LAMA2: variants seen among roughly 807,000 people sequenced by gnomAD.
LAMA2 encodes laminin subunit alpha-2.
A neutral mutation model predicts 364.8 loss-of-function variants in LAMA2; 269 were observed. The ratio of observed to expected loss-of-function variants is 0.74; its 90% CI spans 0.67 to 0.82. The LOEUF (loss-of-function observed/expected upper bound fraction) is 0.82, where lower values mean the gene tolerates loss of function less well. Ranked by LOEUF, LAMA2 falls within the 40% of genes least tolerant of loss-of-function variation. The pLI is 0.00. For synonymous variants in LAMA2, 1,379 were observed against 1,370.6 expected (o/e 1.01, Z -0.14); for missense variants, 3,807 against 3,873.2 (o/e 0.98, Z 0.45).
intron 1 of LAMA2, among the ~76,000 whole-genome samples, chr6:128,896,578 A>G (rs1776791544): frequency 6.6e-6 from 1 of 152,042 alleles, no homozygotes; most frequent in Non-Finnish European, 1.5e-5. Context: ...TCTCTTTCTC[A>G]AGCTTTGATA....
chr6:129,131,617 A>C (rs902648694), intron 4 of LAMA2, among the ~76,000 whole-genome samples: 2 of 152,166 alleles, frequency 1.3e-5, no homozygotes, highest in African/African-American at 4.8e-5. Flanking sequence ...GGAACTAGGG[A>C]TCTGTTGGTG....
intron 1 of LAMA2, among the ~76,000 whole-genome samples, chr6:128,904,012 G>A (rs1341371226): frequency 6.6e-6 from 1 of 152,192 alleles, no homozygotes; most frequent in East Asian, 1.9e-4. Flanking sequence ...GGCAACTCCC[G>A]ATAAGAGTTT....
intron 12 of LAMA2, among the ~76,000 whole-genome samples, chr6:129,227,797 T>C (rs1784411134): frequency 1.3e-5 from 2 of 152,182 alleles, no homozygotes; most frequent in African/African-American, 4.8e-5. Context: ...GAGGAGGCAG[T>C]CTGTTCATTC....
intron 12 of LAMA2, among the ~76,000 whole-genome samples, chr6:129,245,367 A>G (rs79946952): frequency 3.3e-5 from 5 of 152,272 alleles, no homozygotes; most frequent in Admixed American, 6.5e-5. Flanking sequence ...TAGCCAAGAG[A>G]ACAATGACAG....
intron 12 of LAMA2, among the ~76,000 whole-genome samples, chr6:129,194,834 T>C (rs78991893): frequency 0.022 from 3,377 of 152,282 alleles, 57 homozygotes; most frequent in Non-Finnish European, 0.033. Context: ...ACGTAAATTA[T>C]AGTCATGATG....
At chr6:129,255,404 TC>T (rs1786578256) in intron 14 of LAMA2, among the ~76,000 whole-genome samples, 2 of 19,984 alleles carry the variant, frequency 1.0e-4, no homozygotes, top group Non-Finnish European at 1.1e-4. Context: ...AGACTCTGTC[TC>T]AAAAAAAAAA....
chr6:128,959,653 C>A (rs916085653), intron 1 of LAMA2, among the ~76,000 whole-genome samples: 1 of 152,148 alleles, frequency 6.6e-6, no homozygotes, highest in African/African-American at 2.4e-5. Flanking sequence ...TTACCATTCC[C>A]AATGAGCCGC....
intron 56 of LAMA2, among the ~76,000 whole-genome samples, chr6:129,489,920 C>T (rs2571592): frequency 0.66 from 99,033 of 151,186 alleles, 32,988 homozygotes; most frequent in Non-Finnish European, 0.72. Context: ...GAATCAGCCA[C>T]TGAAACTGTA....
chr6:129,151,597 A>G (rs1436824024), intron 7 of LAMA2, among the ~76,000 whole-genome samples: 2 of 152,094 alleles, frequency 1.3e-5, no homozygotes, highest in Admixed American at 6.6e-5. Flanking sequence ...GGTTTAGTTG[A>G]CTCACCCTTC....
chr6:129,176,100 C>G (rs970312065), intron 9 of LAMA2, among the ~76,000 whole-genome samples: 2 of 151,806 alleles, frequency 1.3e-5, no homozygotes, highest in Admixed American at 6.6e-5. Context: ...CCATACTCAA[C>G]AAAAATTAAG....
rs979510093 is a variant in LAMA2, at chr6:129,465,316, A to G, written c.7300+27A>G. On this transcript the variant is annotated intron_variant, in intron 51 of 64. Transcript: ENST00000421865. ...TGAGTTTTTACAGTAATAATGCAATATAGGCCTTAATCATGAAATCCAAAG... is the reference window on the plus strand; with the variant it reads ...TGAGTTTTTACAGTAATAATGCAATGTAGGCCTTAATCATGAAATCCAAAG... 6 of 1,570,122 alleles carry G rather than the reference A, an allele frequency of 3.8e-6. No homozygotes were observed. The African/African-American group carries it at 5.4e-5, about 14-fold the overall frequency.
chr6:129,227,343 T>C (rs1188696406), intron 12 of LAMA2, among the ~76,000 whole-genome samples: 1 of 152,208 alleles, frequency 6.6e-6, no homozygotes, highest in African/African-American at 2.4e-5. Flanking sequence ...TCAAAGTCAT[T>C]CTCCATCCAG....
At chr6:129,202,792 A>T (rs1782389269) in intron 12 of LAMA2, among the ~76,000 whole-genome samples, 1 of 152,232 alleles carries the variant, frequency 6.6e-6, no homozygotes, top group South Asian at 2.1e-4. Flanking sequence ...AAAAACAAAG[A>T]TTGTTTCAGA....
intron 28 of LAMA2, among the ~76,000 whole-genome samples, chr6:129,323,579 A>G (rs1011569496): frequency 8.6e-5 from 13 of 151,640 alleles, no homozygotes; most frequent in African/African-American, 2.9e-4. Context: ...CCATTTCCTC[A>G]CCAGATTTCT....
At chr6:129,421,400 A>C (rs1409389607) in intron 40 of LAMA2, among the ~76,000 whole-genome samples, 1 of 151,844 alleles carries the variant, frequency 6.6e-6, no homozygotes, top group Non-Finnish European at 1.5e-5. Context: ...AAAAAAAAAA[A>C]CCTCTAAAAA....
At chr6:129,372,059 CAG>C (rs1778118109) in intron 34 of LAMA2, among the ~76,000 whole-genome samples, 2 of 152,094 alleles carry the variant, frequency 1.3e-5, no homozygotes, top group South Asian at 2.1e-4. Flanking sequence ...GTGTAAAGTT[CAG>C]AGTGTTCTCA....
Position 129,486,600 on chromosome 6 carries a change from G to T in LAMA2, c.7876G>T (p.Val2626Phe). The stretch of plus-strand genomic sequence containing the variant: ...GTTTCATGATGGAAGAGAACATTCC[G>T]TTCATGTAGAGCGAACTAGAGGGTA... ...NLFHDGREHS[V>F]HVERTRGIFT... is the part of the protein sequence containing the mutation. The change falls in exon 56 of 65, where the codon GTT becomes TTT. Residue 2626 changes from valine (V) to phenylalanine (F), a missense_variant. By Grantham distance (50) the Val-to-Phe change is conservative. Around this residue, in one of 3 missense-constraint regions of LAMA2, gnomAD observed 3,333 missense variants for 3,345.7 expected, o/e 1.00. Coordinates refer to ENST00000421865, the MANE Select transcript of LAMA2 (RefSeq NM_000426.4). 6.2e-7 allele frequency: 1 copy of T among 1,613,772 alleles called. No individual in the cohort carries two copies. Among genetic ancestry groups the T allele is most frequent in the Non-Finnish European group, 8.5e-7 (1 of 1,179,714 alleles).
chr6:129,034,493 T>A (rs2114740087), intron 1 of LAMA2, among the ~76,000 whole-genome samples: 1 of 152,008 alleles, frequency 6.6e-6, no homozygotes, highest in Non-Finnish European at 1.5e-5. Flanking sequence ...TAATTTTAGA[T>A]TTAGGGGATA....
At chr6:129,284,199 G>A (rs184997000) in intron 18 of LAMA2, among the ~76,000 whole-genome samples, 4 of 151,456 alleles carry the variant, frequency 2.6e-5, no homozygotes, top group African/African-American at 7.3e-5. Flanking sequence ...TTACAGCCAC[G>A]CCTCTTTATA....
Sources: gnomAD v4.1 joint callset for allele counts (sites outside exome capture counted in the v4.1 genomes callset) on GRCh38, gnomAD v4.1.1 for gene constraint, gnomAD v4.1.1 regional missense constraint, MANE v1.5 for transcripts, NCBI Gene and HGNC (gene_info 2026-07-23, HGNC 2026-07-21) for gene names.